The following THSD4 variants were observed in gnomAD, a reference collection of about 807,000 sequenced individuals.
THSD4 encodes the protein thrombospondin type 1 domain containing 4, also known as thrombospondin type-1 domain-containing protein 4.
A neutral mutation model predicts 119.0 loss-of-function variants in THSD4; 69 were observed. The observed-to-expected ratio is 0.58, with a 90% CI of 0.48 to 0.71. The LOEUF (loss-of-function observed/expected upper bound fraction) is 0.71. THSD4 is among the 30% of genes least tolerant of loss of function. The pLI is 0.00. For synonymous variants in THSD4, 524 were observed against 540.4 expected, an observed-to-expected ratio of 0.97 and a Z score of 0.42; for missense variants, 1,393 against 1,391.1, an observed-to-expected ratio of 1.00 and a Z score of -0.02.
intron 7 of THSD4, among the ~76,000 whole-genome samples, chr15:71,621,116 A>C (rs1296238957): frequency 6.6e-6 from 1 of 152,226 alleles, no homozygotes; most frequent in African/African-American, 2.4e-5. Context: ...AAAATGCACA[A>C]TTGTTTCACA....
chr15:71,128,115 G>A (rs1423568244), intron 1 of THSD4, among the ~76,000 whole-genome samples: 1 of 152,042 alleles, frequency 6.6e-6, no homozygotes, highest in Non-Finnish European at 1.5e-5. Context: ...TCACTGATGG[G>A]TTAAACAGCA....
intron 4 of THSD4, among the ~76,000 whole-genome samples, chr15:71,233,599 T>C (rs1026522112): frequency 7.9e-5 from 12 of 152,244 alleles, no homozygotes; most frequent in Non-Finnish European, 1.5e-4. Flanking sequence ...TATACACAGC[T>C]GCCTCATTCT....
chr15:71,109,142 A>T (rs1363949713), intron 1 of THSD4, among the ~76,000 whole-genome samples: 1 of 152,248 alleles, frequency 6.6e-6, no homozygotes, highest in African/African-American at 2.4e-5. Flanking sequence ...CTTCTGGATG[A>T]ACACCTAATA....
chr15:71,486,225 C>T (rs1429739408), intron 7 of THSD4, among the ~76,000 whole-genome samples: 1 of 152,096 alleles, frequency 6.6e-6, no homozygotes, highest in East Asian at 1.9e-4. Flanking sequence ...TTCCTCGATC[C>T]TCTTCTGCCT....
At chr15:71,663,791 A>G (rs768063018) in intron 8 of THSD4, among the ~76,000 whole-genome samples, 5 of 152,196 alleles carry the variant, frequency 3.3e-5, no homozygotes, top group Non-Finnish European at 5.9e-5. Context: ...AGGTTTCTCC[A>G]TAATTCTCTA....
intron 1 of THSD4, among the ~76,000 whole-genome samples, chr15:71,109,850 G>A (rs2040290945): frequency 6.6e-6 from 1 of 152,198 alleles, no homozygotes; most frequent in African/African-American, 2.4e-5. Context: ...ATGAAGGTGA[G>A]TGAGGCAAGG....
chr15:71,517,365 GCTT>G (rs985686220), intron 7 of THSD4, among the ~76,000 whole-genome samples: 2 of 152,038 alleles, frequency 1.3e-5, no homozygotes, highest in African/African-American at 2.4e-5. Flanking sequence ...TCGCTTTCAT[GCTT>G]CTTCTTCCTC....
rs2044319931 is a variant in THSD4, at chr15:71,256,597, A to G, written c.913-16A>G. Reference sequence around the variant, plus strand: ...AGTATGGACACTAATTGCATATTTAATATCTGCTTTATTAGGTATGTCCAG... The same window carrying G: ...AGTATGGACACTAATTGCATATTTAGTATCTGCTTTATTAGGTATGTCCAG... On this transcript the variant is annotated splice_polypyrimidine_tract_variant and intron_variant, in intron 5 of 17. Transcript: ENST00000261862. 1 of 1,609,748 alleles carries G rather than the reference A, an allele frequency of 6.2e-7. No homozygotes were observed. Among genetic ancestry groups the G allele is most frequent in the African/African-American group, 1.3e-5 (1 of 74,844 alleles).
At chr15:71,101,325 T>G (rs1041049486) in intron 1 of THSD4, among the ~76,000 whole-genome samples, 3 of 152,184 alleles carry the variant, frequency 2.0e-5, no homozygotes, top group Admixed American at 2.0e-4. Flanking sequence ...ATAAATGATA[T>G]AAATATTAGA....
In THSD4 at chr15:71,641,650, T is replaced by C. The variant is rs184699582; in HGVS notation, c.1153-18880T>C. Among the ~76,000 whole-genome samples the C allele has an allele frequency of 1.9e-3, 284 of 152,262 alleles. 1 individual carries two copies. The highest frequency in any genetic ancestry group is 6.7e-3 in the African/African-American group (277 of 41,532). The stretch of plus-strand genomic sequence containing the variant: ...TACTGTTTGGCATCATTTCTACTTA[T>C]GGTGATTTTCACTGTTTTAACAGTT... On this transcript the variant is annotated intron_variant, in intron 7 of 17. Transcript: ENST00000261862.
intron 1 of THSD4, among the ~76,000 whole-genome samples, chr15:71,124,803 G>T (rs1291904672): frequency 1.3e-5 from 2 of 152,180 alleles, no homozygotes; most frequent in Admixed American, 1.3e-4. Flanking sequence ...GGCACTTTGG[G>T]AGGCCGGGAT....
At chr15:71,473,774 C>T (rs1864531307) in intron 7 of THSD4, among the ~76,000 whole-genome samples, 2 of 152,266 alleles carry the variant, frequency 1.3e-5, no homozygotes, top group Non-Finnish European at 2.9e-5. Context: ...GCAAAGTCCC[C>T]ATGCATGCTG....
chr15:71,597,510 G>A (rs951519174), intron 7 of THSD4, among the ~76,000 whole-genome samples: 11 of 152,016 alleles, frequency 7.2e-5, no homozygotes, highest in Non-Finnish European at 1.6e-4. Flanking sequence ...CATTATAAAA[G>A]GCATAATAAC....
intron 4 of THSD4, among the ~76,000 whole-genome samples, chr15:71,231,300 G>A (rs2044059018): frequency 6.6e-6 from 1 of 152,166 alleles, no homozygotes. Flanking sequence ...TAAGGTTGCT[G>A]CTCTGTTTTA....
chr15:71,493,814 G>T (rs1329062692), intron 7 of THSD4, among the ~76,000 whole-genome samples: 1 of 152,242 alleles, frequency 6.6e-6, no homozygotes, highest in African/African-American at 2.4e-5. Flanking sequence ...TGCCTTCCTT[G>T]TGAGGGAAGG....
At chr15:71,681,344 T>G (rs1220798747) in intron 8 of THSD4, among the ~76,000 whole-genome samples, 1 of 152,134 alleles carries the variant, frequency 6.6e-6, no homozygotes, top group Non-Finnish European at 1.5e-5. Context: ...AAAAGACAAT[T>G]TTTTTCTAGA....
At chr15:71,503,561 G>A (rs150531000) in intron 7 of THSD4, among the ~76,000 whole-genome samples, 48 of 152,200 alleles carry the variant, frequency 3.2e-4, no homozygotes, top group African/African-American at 1.1e-3. Context: ...CAAGTGTCCC[G>A]TCACTGCAGC....
At chr15:71,552,314 TTTC>T (rs2048944473) in intron 7 of THSD4, among the ~76,000 whole-genome samples, 1 of 152,200 alleles carries the variant, frequency 6.6e-6, no homozygotes, top group Non-Finnish European at 1.5e-5. Flanking sequence ...TGCAGGACAT[TTTC>T]TTCTTCATAA....
intron 7 of THSD4, among the ~76,000 whole-genome samples, chr15:71,417,391 C>G (rs2046772397): frequency 9.3e-6 from 1 of 107,802 alleles, no homozygotes; most frequent in African/African-American, 3.2e-5. Context: ...GTGTTTAATC[C>G]ATTTTGGTTT....
Sources: gnomAD v4.1 joint callset for allele counts (sites outside exome capture counted in the v4.1 genomes callset) on GRCh38, gnomAD v4.1.1 for gene constraint, MANE v1.5 for transcripts, NCBI Gene and HGNC (gene_info 2026-07-23, HGNC 2026-07-21) for gene names.